PCDH15: variants seen among roughly 807,000 people sequenced by gnomAD.
PCDH15 encodes protocadherin-15.
A neutral mutation model predicts 178.5 loss-of-function variants in PCDH15; 129 were observed. The ratio of observed to expected loss-of-function variants is 0.72; its 90% CI spans 0.63 to 0.84. The LOEUF (loss-of-function observed/expected upper bound fraction) is 0.84. Among genes scored for constraint, PCDH15 ranks in the 40% least tolerant of loss-of-function variants. The pLI, the probability that PCDH15 is intolerant of heterozygous loss-of-function variation, is 0.00. For missense variants in PCDH15, 2,230 were observed against 2,099.9 expected (o/e 1.06, Z -1.21); for synonymous variants, 800 against 732.0 (o/e 1.09, Z -1.50).
chr10:54,058,905 G>A (rs1352144939), intron 18 of PCDH15, among the ~76,000 whole-genome samples: 3 of 152,086 alleles, frequency 2.0e-5, no homozygotes, highest in Non-Finnish European at 2.9e-5. Context: ...TGTTGGTCAG[G>A]CTAGTCTCAA....
At chr10:54,504,597 T>C (rs1200022113) in intron 3 of PCDH15, among the ~76,000 whole-genome samples, 2 of 152,188 alleles carry the variant, frequency 1.3e-5, no homozygotes, top group African/African-American at 4.8e-5. Flanking sequence ...CACATGTTAA[T>C]GAAGAATTAA....
intron 1 of PCDH15, among the ~76,000 whole-genome samples, chr10:54,719,327 T>C (rs1756606484): frequency 2.0e-5 from 3 of 152,066 alleles, no homozygotes; most frequent in African/African-American, 7.2e-5. Context: ...AACAAAGAGT[T>C]TTTTTAAAAA....
intron 1 of PCDH15, among the ~76,000 whole-genome samples, chr10:55,192,765 A>G (rs1839978034): frequency 6.6e-6 from 1 of 151,408 alleles, no homozygotes; most frequent in African/African-American, 2.4e-5. Context: ...ACATATAGAT[A>G]CATGCACAAA....
At chr10:55,347,758 A>G (rs530399277) in intron 2 of PCDH15, among the ~76,000 whole-genome samples, 1 of 152,306 alleles carries the variant, frequency 6.6e-6, no homozygotes, top group Non-Finnish European at 1.5e-5. Flanking sequence ...TATATTTTAA[A>G]CAAAATTATT....
At chr10:54,642,361 C>T (rs1040482821) in intron 2 of PCDH15, among the ~76,000 whole-genome samples, 2 of 152,130 alleles carry the variant, frequency 1.3e-5, no homozygotes, top group African/African-American at 4.8e-5. Flanking sequence ...CTGTCTATAT[C>T]AATTTATAGT....
chr10:54,813,962 C>T (rs894045153), intron 3 of PCDH15, among the ~76,000 whole-genome samples: 10 of 152,120 alleles, frequency 6.6e-5, no homozygotes, highest in African/African-American at 2.4e-4. Flanking sequence ...ATTAATAAAG[C>T]ATGTCACAAT....
chr10:54,617,339 T>C (rs1175193697), intron 2 of PCDH15, among the ~76,000 whole-genome samples: 1 of 152,130 alleles, frequency 6.6e-6, no homozygotes, highest in East Asian at 1.9e-4. Context: ...TGTAGCACTT[T>C]CGTAATTACC....
At chr10:54,273,120 AAG>A (rs1491573745) in intron 8 of PCDH15, among the ~76,000 whole-genome samples, 13 of 152,088 alleles carry the variant, frequency 8.5e-5, no homozygotes, top group Admixed American at 5.9e-4. Flanking sequence ...ACCCAATAAA[AAG>A]AGGCAGCCAG....
At chr10:54,698,985 G>A (rs909499183) in intron 1 of PCDH15, among the ~76,000 whole-genome samples, 1 of 151,990 alleles carries the variant, frequency 6.6e-6, no homozygotes, top group South Asian at 2.1e-4. Context: ...CATTTAAAAG[G>A]GAAAGTCAAT....
chr10:53,884,098 C>T (rs1413759153), intron 26 of PCDH15, among the ~76,000 whole-genome samples: 7 of 152,186 alleles, frequency 4.6e-5, no homozygotes, highest in Non-Finnish European at 1.0e-4. Context: ...TAGCACTGCT[C>T]AATCTGTCTT....
rs528282485 is a variant in PCDH15, at chr10:54,189,265, A to G, written c.1306-3997T>C. Reference sequence around the variant, plus strand: ...TAGATATCCTTATAAGGGATAATGAAGTAATACCTACGTGTTTTAGTGAAG... The same window carrying G: ...TAGATATCCTTATAAGGGATAATGAGGTAATACCTACGTGTTTTAGTGAAG... On this transcript the variant is annotated intron_variant, in intron 11 of 37. Transcript: ENST00000644397. 3.3e-5 allele frequency: 28 copies of G among 849,052 alleles called. No homozygotes were observed. The Admixed American group carries it at 3.6e-4, about 11-fold the overall frequency. 52.6% of individuals were successfully genotyped at this position (849,052 alleles called of 1,614,324 possible).
At position 54,853,320 on chromosome 10, in the gene PCDH15, C is replaced by CACAT. The variant is rs1443214469; in HGVS notation, c.-29+44129_-29+44130insATGT. On this transcript the variant is annotated intron_variant, in intron 3 of 5. Transcript: ENST00000458638. ...ATATATATATATATATATATATATA[C>CACAT]ATACACACACATATACATATATATA... Among the ~76,000 whole-genome samples the CACAT allele has an allele frequency of 7.7e-3, 587 of 76,058 alleles. 11 individuals are homozygous for CACAT. The highest frequency in any genetic ancestry group is 0.047 in the East Asian group (162 of 3,464). The allele number at this position is 76,058 out of a possible 152,430, so 49.9% of individuals were successfully genotyped here.
At chr10:54,604,060 C>A (rs116539807) in intron 2 of PCDH15, among the ~76,000 whole-genome samples, 2 of 120,244 alleles carry the variant, frequency 1.7e-5, no homozygotes, top group Non-Finnish European at 3.5e-5. Flanking sequence ...TATTGTTTAG[C>A]TTCCATGTAT....
intron 2 of PCDH15, among the ~76,000 whole-genome samples, chr10:55,607,121 T>G (rs1204683945): frequency 1.3e-5 from 2 of 152,208 alleles, no homozygotes; most frequent in East Asian, 3.9e-4. Flanking sequence ...AGAAGACATT[T>G]ATGCAGCCAA....
chr10:55,486,091 G>C (rs1049800819), intron 2 of PCDH15, among the ~76,000 whole-genome samples: 3 of 151,670 alleles, frequency 2.0e-5, no homozygotes, highest in African/African-American at 7.3e-5. Context: ...ATGTGCTCTA[G>C]TTATGCCCCA....
chr10:54,319,709 A>G (rs2061475943), intron 7 of PCDH15, among the ~76,000 whole-genome samples: 1 of 141,418 alleles, frequency 7.1e-6, no homozygotes, highest in Non-Finnish European at 1.5e-5. Context: ...ATACTAACAG[A>G]CCTGTATTTT....
At chr10:55,039,933 A>C (rs1840824358) in intron 2 of PCDH15, among the ~76,000 whole-genome samples, 1 of 152,114 alleles carries the variant, frequency 6.6e-6, no homozygotes, top group Non-Finnish European at 1.5e-5. Context: ...CAAACAAAAA[A>C]ACCCACCATC....
intron 9 of PCDH15, among the ~76,000 whole-genome samples, chr10:54,226,878 T>G (rs2134256462): frequency 6.6e-6 from 1 of 152,276 alleles, no homozygotes; most frequent in Non-Finnish European, 1.5e-5. Context: ...AAGTCAAATC[T>G]TAAAGCTCTG....
intron 2 of PCDH15, among the ~76,000 whole-genome samples, chr10:55,404,751 T>A (rs1241698622): frequency 6.6e-6 from 1 of 151,904 alleles, no homozygotes; most frequent in Non-Finnish European, 1.5e-5. Context: ...TTAATTTGTG[T>A]ATTTTAATAC....
Sources: gnomAD v4.1 joint callset for allele counts (sites outside exome capture counted in the v4.1 genomes callset) on GRCh38, gnomAD v4.1.1 for gene constraint, MANE v1.5 for transcripts, NCBI Gene and HGNC (gene_info 2026-07-23, HGNC 2026-07-21) for gene names.